RAP1GAP: variants seen among roughly 807,000 people sequenced by gnomAD.
The protein encoded by RAP1GAP is rap1 GTPase-activating protein 1.
In RAP1GAP, 35 loss-of-function variants were observed where a neutral mutation model predicts 87.2. That is an observed-to-expected ratio of 0.40 (90% CI 0.31 to 0.53). RAP1GAP has a LOEUF of 0.53. RAP1GAP is among the 20% of genes least tolerant of loss of function. The pLI is 0.48. For synonymous variants in RAP1GAP, 375 were observed against 363.9 expected, an observed-to-expected ratio of 1.03 and a Z score of -0.35; for missense variants, 734 against 898.9, an observed-to-expected ratio of 0.82 and a Z score of 2.35.
Position 21,663,491 on chromosome 1 carries a change from T to G in RAP1GAP, c.-149+5763A>C, listed in dbSNP as rs116805529. On this transcript the variant is annotated intron_variant, in intron 1 of 24. Coordinates refer to ENST00000374765, the MANE Select transcript of RAP1GAP (RefSeq NM_002885.4). ...GAGGGTCCCTGACGCTGCCAACTTT[T>G]GAGCAAGAAGAATCAGGGCTGCCCT... 1.7e-3 allele frequency among the ~76,000 whole-genome samples: 260 copies of G among 152,244 alleles called. 1 individual carries two copies. Among genetic ancestry groups the G allele is most frequent in the African/African-American group, 5.9e-3 (247 of 41,560 alleles).
intron 3 of RAP1GAP, among the ~76,000 whole-genome samples, chr1:21,620,384 C>A (rs1360251157): frequency 6.6e-6 from 1 of 152,174 alleles, no homozygotes; most frequent in Non-Finnish European, 1.5e-5. Flanking sequence ...CATCCTGGAT[C>A]CCCAGGAGGG....
chr1:21,619,910 G>T, intron 4 of RAP1GAP, 105 bp downstream of exon 4: 1 of 1,245,930 alleles, frequency 8.0e-7, no homozygotes, highest in Non-Finnish European at 1.2e-6. Flanking sequence ...TACTGGCGTG[G>T]CCTGTCCTCA....
intron 21 of RAP1GAP, 112 bp downstream of exon 21, chr1:21,599,382 T>C: frequency 6.8e-7 from 1 of 1,461,744 alleles, no homozygotes; most frequent in East Asian, 2.3e-5. Flanking sequence ...CCGGGTCCCC[T>C]GATCACATCT....
At chr1:21,605,920 G>C in intron 18 of RAP1GAP, 146 bp downstream of exon 18, 2 of 1,065,460 alleles carry the variant, frequency 1.9e-6, no homozygotes, top group Non-Finnish European at 2.7e-6. Flanking sequence ...CCCATGGAAA[G>C]TAGTGGCTAG....
intron 1 of RAP1GAP, among the ~76,000 whole-genome samples, chr1:21,660,339 C>CTATTTTTATATATATATATATATA (rs563814821): frequency 1.9e-5 from 1 of 52,858 alleles, no homozygotes; most frequent in African/African-American, 5.5e-5. Context: ...TCCAACTCAG[C>CTATTTTTATATATATATATATATA]TATATATATT....
rs1464906394 is a variant in RAP1GAP, at chr1:21,603,705, A to G, written c.1429-792T>C. ...GTGCCATCGGAGCTGCCGCCACTCC[A>G]TCCCGCACGCCCTGGGGCCTGTCCC... On this transcript the variant is annotated intron_variant, in intron 18 of 24. Coordinates refer to ENST00000374765, the MANE Select transcript of RAP1GAP (RefSeq NM_002885.4). This position sits in a 1 kb window ranked among gnomAD's most constrained non-coding sequence, Gnocchi z 6.0. 2.9e-6 allele frequency: 3 copies of G among 1,020,418 alleles called. No individual in the cohort carries two copies. The highest frequency in any genetic ancestry group is 2.0e-4 in the Middle Eastern group (1 of 4,932). The allele number at this position is 1,020,418 out of a possible 1,614,324, so 63.2% of individuals were successfully genotyped here. A position where few individuals can be genotyped will look rare whatever the true frequency, so the allele number is the denominator to read the frequency against.
rs2097066556 is a variant in RAP1GAP, at chr1:21,660,249, C to A, written c.-149+9005G>T. ...AGGAACCAGGGCTCTAAATGCATAA[C>A]TACACAGCCTGGATACAGAGCAGGG... On this transcript the variant is annotated intron_variant, in intron 1 of 24. Coordinates refer to ENST00000374765, the MANE Select transcript of RAP1GAP (RefSeq NM_002885.4). 2.0e-5 allele frequency among the ~76,000 whole-genome samples: 3 copies of A among 148,452 alleles called. No homozygotes were observed. The South Asian group carries it at 6.4e-4, about 32-fold the overall frequency.
Position 21,614,033 on chromosome 1 carries a change from G to A in RAP1GAP, c.348C>T (p.Leu116=), listed in dbSNP as rs1242307240. The A allele has an allele frequency of 6.2e-7, 1 of 1,612,988 alleles. No homozygotes were observed. Among genetic ancestry groups the A allele is most frequent in the Non-Finnish European group, 8.5e-7 (1 of 1,179,366 alleles). ...DAALGHLVFS[L]KYDVIGDQEH... is the part of the protein sequence containing the mutation. ...CTTGGTCCCCGATGACATCGTACTTGAGTGAGAAGACAAGGTGGCCGAGGG... is the reference window on the plus strand; with the variant it reads ...CTTGGTCCCCGATGACATCGTACTTAAGTGAGAAGACAAGGTGGCCGAGGG... The change falls in exon 8 of 25, where the codon CTC becomes CTT. Residue 116 remains leucine, a synonymous_variant. Transcript: ENST00000374765.
chr1:21,609,083 A>G lies in RAP1GAP; in HGVS notation c.1072-147T>C. 1 of 709,696 alleles carries G rather than the reference A, an allele frequency of 1.4e-6. No individual in the cohort carries two copies. The highest frequency in any genetic ancestry group is 1.7e-5 in the South Asian group (1 of 60,208). The allele number at this position is 709,696 out of a possible 1,614,324, so 44.0% of individuals were successfully genotyped here. A position where few individuals can be genotyped will look rare whatever the true frequency, so the allele number is the denominator to read the frequency against. ...TCACCCTCTTCACTCCCAAAAGGGT[A>G]TCTCCCTGGGCTCAGCTCCCCAGGT... On this transcript the variant is annotated intron_variant, in intron 15 of 24. Transcript: ENST00000374765. This position sits in a 1 kb window ranked among gnomAD's most constrained non-coding sequence, Gnocchi z 4.4.
At chr1:21,601,881 T>A in intron 19 of RAP1GAP, 84 bp from the exon 20 acceptor site, 1 of 923,580 alleles carries the variant, frequency 1.1e-6, no homozygotes, top group Non-Finnish European at 1.6e-6. Flanking sequence ...GTGAGGGGAG[T>A]CACGGTGCCT....
chr1:21,660,431 T>C (rs1387618235), intron 1 of RAP1GAP, among the ~76,000 whole-genome samples: 1 of 149,000 alleles, frequency 6.7e-6, no homozygotes, highest in African/African-American at 2.5e-5. Context: ...CCTCCAGGGT[T>C]CAAGCGATTC....
At position 21,613,760 on chromosome 1, in the gene RAP1GAP, G is replaced by A. The variant is rs2080024666; in HGVS notation, c.396-54C>T. ...CCTGGGCAGCAGGACAGGAAAATGG[G>A]AACCCCACCCCCCACAAAGTAAGGC... On this transcript the variant is annotated intron_variant, in intron 8 of 24. Coordinates refer to ENST00000374765, the MANE Select transcript of RAP1GAP (RefSeq NM_002885.4). This position sits in a 1 kb window ranked among gnomAD's most constrained non-coding sequence, Gnocchi z 4.7. The A allele has an allele frequency of 7.9e-6, 12 of 1,514,184 alleles. No homozygotes were observed. Among genetic ancestry groups the A allele is most frequent in the Non-Finnish European group, 1.1e-5 (12 of 1,091,524 alleles). The allele number at this position is 1,514,184 out of a possible 1,614,324, so 93.8% of individuals were successfully genotyped here.
chr1:21,606,222 A>C (rs762411611), intron 17 of RAP1GAP, 25 bp from the exon 18 acceptor site: 52 of 1,565,648 alleles, frequency 3.3e-5, no homozygotes, highest in Admixed American at 2.6e-4. Flanking sequence ...GCAGTGGAGG[A>C]GGCACAGGAT....
intron 1 of RAP1GAP, among the ~76,000 whole-genome samples, chr1:21,653,594 C>CTTT (rs1558897512): frequency 2.5e-5 from 2 of 81,088 alleles, no homozygotes; most frequent in African/African-American, 4.3e-5. Context: ...CTTCCTTCCT[C>CTTT]CCTCCCTCCC....
At position 21,616,136 on chromosome 1, in the gene RAP1GAP, A is replaced by AACACAC. The variant is rs58644324; in HGVS notation, c.291+1164_291+1169dup. Among the ~76,000 whole-genome samples, 106 of 126,880 alleles carry AACACAC rather than the reference A, an allele frequency of 8.4e-4. 2 individuals are homozygous for AACACAC. The highest frequency in any genetic ancestry group is 2.3e-3 in the African/African-American group (75 of 32,952). 83.2% of individuals were successfully genotyped at this position (126,880 alleles called of 152,430 possible). On this transcript the variant is annotated intron_variant, in intron 7 of 24. Transcript: ENST00000374765. ...CCCCAAGGAGTCACCCCCTCTTCCC[A>AACACAC]ACACACACACACACACACACACACA... is the stretch of plus-strand genomic sequence containing the variant.
chr1:21,603,270 G>A lies in RAP1GAP; in HGVS notation c.1429-357C>T, dbSNP rs2070675662. 1.3e-5 allele frequency: 5 copies of A among 398,396 alleles called. No individual in the cohort carries two copies. The East Asian group carries it at 2.2e-4, about 18-fold the overall frequency. The allele number at this position is 398,396 out of a possible 1,614,324, so 24.7% of individuals were successfully genotyped here. A position where few individuals can be genotyped will look rare whatever the true frequency, so the allele number is the denominator to read the frequency against. On this transcript the variant is annotated intron_variant, in intron 18 of 24. Transcript: ENST00000374765. The surrounding 1 kb of genome is among the most constrained non-coding windows in gnomAD (Gnocchi z 6.0). ...CTGCAGCCTAAGGGCAGTGGTCAGAGGGCAGTGTAGCAACCCAAGTCCCAC... is the reference window on the plus strand; with the variant it reads ...CTGCAGCCTAAGGGCAGTGGTCAGAAGGCAGTGTAGCAACCCAAGTCCCAC...
intron 2 of RAP1GAP, among the ~76,000 whole-genome samples, chr1:21,631,451 T>G (rs2093707572): frequency 6.6e-6 from 1 of 152,188 alleles, no homozygotes; most frequent in Non-Finnish European, 1.5e-5. Flanking sequence ...TTTGGGAGGC[T>G]GAGGCGGGTG....
rs761839357 is a variant in RAP1GAP at position 21,603,748 on chromosome 1, G to A, written c.1429-835C>T. 44 of 1,434,236 alleles carry A rather than the reference G, an allele frequency of 3.1e-5. No homozygotes were observed. Among genetic ancestry groups the A allele is most frequent in the African/African-American group, 4.2e-5 (3 of 71,218 alleles). 88.8% of individuals were successfully genotyped at this position (1,434,236 alleles called of 1,614,324 possible). ...CCTGTCCCGGGGGCAGAGGGGCAAC[G>A]TCCCCAATATGGCCTCCGTCCTGAG... On this transcript the variant is annotated intron_variant, in intron 18 of 24. Transcript: ENST00000374765. The surrounding 1 kb of genome is among the most constrained non-coding windows in gnomAD (Gnocchi z 6.0).
intron 1 of RAP1GAP, among the ~76,000 whole-genome samples, chr1:21,660,037 G>T (rs560098356): frequency 2.0e-5 from 3 of 152,086 alleles, no homozygotes; most frequent in African/African-American, 7.2e-5. Context: ...GCCCTGCCCT[G>T]GCTGCTCTGT....
Sources: gnomAD v4.1 joint callset for allele counts (sites outside exome capture counted in the v4.1 genomes callset) on GRCh38, gnomAD v4.1.1 for gene constraint, Gnocchi (gnomAD v3.1) non-coding constraint, MANE v1.5 for transcripts, NCBI Gene and HGNC (gene_info 2026-07-23, HGNC 2026-07-21) for gene names.